The following USP32 variants were observed in gnomAD, a reference collection of about 807,000 sequenced individuals.
The protein encoded by USP32 is ubiquitin carboxyl-terminal hydrolase 32.
Under a neutral mutation model 204.8 loss-of-function variants are expected in USP32, and 59 were observed. That is an observed-to-expected ratio of 0.29 (90% CI 0.23 to 0.36). The LOEUF (loss-of-function observed/expected upper bound fraction) is 0.36, where lower values mean the gene tolerates loss of function less well. Among genes scored for constraint, USP32 ranks in the 10% least tolerant of loss-of-function variants. USP32 has a pLI of 1.00. For missense variants in USP32, 1,160 were observed against 1,946.4 expected, an observed-to-expected ratio of 0.60 and a Z score of 7.60; for synonymous variants, 517 against 678.4, an observed-to-expected ratio of 0.76 and a Z score of 3.70.
chr17:60,180,468 C>T (rs2084078402), intron 33 of USP32, 77 bp downstream of exon 33: 5 of 1,443,938 alleles, frequency 3.5e-6, no homozygotes, highest in Non-Finnish European at 1.9e-6. Context: ...AAGAGATAGT[C>T]CATTATTTCA....
Position 60,392,014 on chromosome 17 carries a change from C to G in USP32, c.-75G>C, listed in dbSNP as rs1286496034. 13 of 1,510,314 alleles carry G rather than the reference C, an allele frequency of 8.6e-6. No homozygotes were observed. Among genetic ancestry groups the G allele is most frequent in the Middle Eastern group, 1.7e-4 (1 of 5,822 alleles). The allele number at this position is 1,510,314 out of a possible 1,614,324, so 93.6% of individuals were successfully genotyped here. A position where few individuals can be genotyped will look rare whatever the true frequency, so the allele number is the denominator to read the frequency against. On this transcript the variant is annotated 5_prime_UTR_variant, in exon 1 of 34. Transcript: ENST00000300896. ...CCCCCTCCCGCCTTCTCCTCGGCGTCCCTGGGTGACGGTGACGGTGTCGGC... is the reference window on the plus strand; with the variant it reads ...CCCCCTCCCGCCTTCTCCTCGGCGTGCCTGGGTGACGGTGACGGTGTCGGC...
At chr17:60,297,805 TAAGC>T (rs777851778) in intron 3 of USP32, among the ~76,000 whole-genome samples, 1 of 152,178 alleles carries the variant, frequency 6.6e-6, no homozygotes, top group Non-Finnish European at 1.5e-5. Context: ...AGTTATTGAA[TAAGC>T]ACTGGCCTTG....
chr17:60,226,463 C>T (rs1258936276), intron 12 of USP32, among the ~76,000 whole-genome samples: 1 of 152,136 alleles, frequency 6.6e-6, no homozygotes, highest in Admixed American at 6.6e-5. Flanking sequence ...TTTTGTGCCA[C>T]ATAAAGTAAT....
At chr17:60,324,462 T>G (rs2088184386) in intron 2 of USP32, among the ~76,000 whole-genome samples, 1 of 152,038 alleles carries the variant, frequency 6.6e-6, no homozygotes, top group African/African-American at 2.4e-5. Context: ...CCCCTACCCC[T>G]GAGATCAATG....
intron 9 of USP32, among the ~76,000 whole-genome samples, chr17:60,257,450 G>T (rs1263600266): frequency 6.6e-6 from 1 of 152,118 alleles, no homozygotes; most frequent in African/African-American, 2.4e-5. Context: ...ATCTCACAGT[G>T]GAGAGAGGGT....
At chr17:60,196,472 T>C (rs2084521115) in intron 27 of USP32, among the ~76,000 whole-genome samples, 1 of 152,172 alleles carries the variant, frequency 6.6e-6, no homozygotes, top group South Asian at 2.1e-4. Context: ...TTATTTGCAG[T>C]TTTCCTTTAG....
intron 1 of USP32, among the ~76,000 whole-genome samples, chr17:60,411,854 G>A (rs2090021540): frequency 6.6e-6 from 1 of 152,080 alleles, no homozygotes; most frequent in Non-Finnish European, 1.5e-5. Flanking sequence ...TCTATTGCAT[G>A]CATATACCAC....
chr17:60,336,497 C>T, intron 2 of USP32, among the ~76,000 whole-genome samples: 1 of 141,304 alleles, frequency 7.1e-6, no homozygotes, highest in African/African-American at 3.1e-5. Context: ...GGGCGGATCA[C>T]GAGGTCAAGA....
At chr17:60,339,856 G>A (rs62082070) in intron 2 of USP32, among the ~76,000 whole-genome samples, 4 of 152,060 alleles carry the variant, frequency 2.6e-5, no homozygotes, top group East Asian at 3.9e-4. Context: ...CAAAAATATC[G>A]TTCCTTGCTC....
At chr17:60,282,877 C>G (rs2145830321) in intron 5 of USP32, among the ~76,000 whole-genome samples, 2 of 152,268 alleles carry the variant, frequency 1.3e-5, no homozygotes, top group South Asian at 4.1e-4. Context: ...TTCAATCCAA[C>G]AAAATGCATT....
intron 21 of USP32, among the ~76,000 whole-genome samples, chr17:60,209,912 A>G (rs1349168332): frequency 1.3e-5 from 2 of 152,098 alleles, no homozygotes; most frequent in Non-Finnish European, 2.9e-5. Context: ...TGCATATAAA[A>G]TATGTATATT....
At chr17:60,359,041 G>C (rs1325104897) in intron 1 of USP32, among the ~76,000 whole-genome samples, 2 of 152,124 alleles carry the variant, frequency 1.3e-5, no homozygotes, top group African/African-American at 4.8e-5. Context: ...TATGTTCACT[G>C]CTACTGTCCT....
At chr17:60,229,071 A>G (rs2085476135) in intron 12 of USP32, among the ~76,000 whole-genome samples, 1 of 151,734 alleles carries the variant, frequency 6.6e-6, no homozygotes, top group Admixed American at 6.6e-5. Context: ...TTTAGTCTGG[A>G]GTATAGCAAA....
chr17:60,326,531 T>C (rs1233352964), intron 2 of USP32, among the ~76,000 whole-genome samples: 1 of 152,168 alleles, frequency 6.6e-6, no homozygotes, highest in Non-Finnish European at 1.5e-5. Flanking sequence ...ACTCCTAACC[T>C]TGGGTGATCC....
rs533859506 is a variant in USP32 at position 60,331,908 on chromosome 17, T to A, written c.186+13573A>T. 4.2e-5 allele frequency among the ~76,000 whole-genome samples: 6 copies of A among 141,916 alleles called. No individual in the cohort carries two copies. The East Asian group carries it at 1.0e-3, about 25-fold the overall frequency. 93.1% of individuals were successfully genotyped at this position (141,916 alleles called of 152,430 possible). A position where few individuals can be genotyped will look rare whatever the true frequency, so the allele number is the denominator to read the frequency against. On this transcript the variant is annotated intron_variant, in intron 2 of 33. Coordinates refer to ENST00000300896, the MANE Select transcript of USP32 (RefSeq NM_032582.4). ...AGTAAGACCCCATCTCAAAAAAAAA[T>A]AAAATAAACTTTAATATTAAAAAAT...
At position 60,239,416 on chromosome 17, in the gene USP32, C is replaced by T. The variant is rs191677156; in HGVS notation, c.1137-3176G>A. On this transcript the variant is annotated intron_variant, in intron 11 of 33. Transcript: ENST00000300896. ...CAATTATTTCTTCAAATATTCTGCC[C>T]TTTCCTTCTCTCTCCTTTCCTAAGA... Among the ~76,000 whole-genome samples, 332 of 152,220 alleles carry T rather than the reference C, an allele frequency of 2.2e-3. 4 individuals are homozygous for T. Among genetic ancestry groups the T allele is most frequent in the African/African-American group, 7.5e-3 (313 of 41,552 alleles).
At position 60,408,921 on chromosome 17, in the gene USP32, T is replaced by G. The variant is rs114880528; in HGVS notation, c.106+13325A>C. 6.6e-3 allele frequency among the ~76,000 whole-genome samples: 1,009 copies of G among 152,332 alleles called. 13 individuals carry two copies. The highest frequency in any genetic ancestry group is 0.023 in the African/African-American group (977 of 41,576). ...CAGGATCCAGTCAGATCATGCCTTC[T>G]GGCATCACCTCATTGCAAGATCCAA... is the stretch of plus-strand genomic sequence containing the variant. On this transcript the variant is annotated intron_variant, in intron 1 of 3. Transcript: ENST00000588898.
At chr17:60,420,005 A>G (rs2090096725) in intron 1 of USP32, among the ~76,000 whole-genome samples, 1 of 149,094 alleles carries the variant, frequency 6.7e-6, no homozygotes, top group African/African-American at 2.4e-5. Context: ...GATTACAGGC[A>G]TGCACCACCG....
intron 29 of USP32, among the ~76,000 whole-genome samples, chr17:60,189,445 C>T (rs993247161): frequency 1.3e-5 from 2 of 152,156 alleles, no homozygotes; most frequent in African/African-American, 2.4e-5. Flanking sequence ...TATCAAGAGC[C>T]ATAAAAATGC....
Sources: gnomAD v4.1 joint callset for allele counts (sites outside exome capture counted in the v4.1 genomes callset) on GRCh38, gnomAD v4.1.1 for gene constraint, MANE v1.5 for transcripts, NCBI Gene and HGNC (gene_info 2026-07-23, HGNC 2026-07-21) for gene names.